The following LRP2 variants were observed in gnomAD, a reference collection of about 807,000 sequenced individuals.
LRP2 encodes low-density lipoprotein receptor-related protein 2.
In LRP2, 172 loss-of-function variants were observed where a neutral mutation model predicts 531.0. The ratio of observed to expected loss-of-function variants is 0.32; its 90% CI spans 0.29 to 0.37. LRP2 has a LOEUF of 0.37. Ranked by LOEUF, LRP2 falls within the 10% of genes least tolerant of loss-of-function variation. LRP2 has a pLI of 1.00. For synonymous variants in LRP2, 1,992 were observed against 2,027.6 expected (o/e 0.98, Z 0.47); for missense variants, 5,167 against 5,868.3 (o/e 0.88, Z 3.90).
intron 1 of LRP2, among the ~76,000 whole-genome samples, chr2:169,353,082 T>C (rs2105578997): frequency 6.6e-6 from 1 of 152,226 alleles, no homozygotes; most frequent in African/African-American, 2.4e-5. Flanking sequence ...TACCCCTGCT[T>C]TAGTAAGGGT....
chr2:169,293,546 A>G (rs1026637233), intron 6 of LRP2, among the ~76,000 whole-genome samples: 2 of 152,162 alleles, frequency 1.3e-5, no homozygotes, highest in African/African-American at 4.8e-5. Context: ...ATGGTGGTGC[A>G]TGCCTGTGAT....
intron 34 of LRP2, among the ~76,000 whole-genome samples, chr2:169,217,640 C>A (rs888306781): frequency 2.6e-5 from 4 of 152,064 alleles, no homozygotes. Flanking sequence ...GGACATAGCA[C>A]AAAACTTTCG....
At chr2:169,354,511 G>A (rs1312900014) in intron 1 of LRP2, among the ~76,000 whole-genome samples, 1 of 152,102 alleles carries the variant, frequency 6.6e-6, no homozygotes, top group Non-Finnish European at 1.5e-5. Context: ...CATGACCTGA[G>A]GGCTAATGAC....
chr2:169,136,341 C>T (rs1453250703), intron 76 of LRP2, among the ~76,000 whole-genome samples: 3 of 151,858 alleles, frequency 2.0e-5, no homozygotes, highest in Non-Finnish European at 4.4e-5. Flanking sequence ...TTTGCCCCAA[C>T]ACTTCAATAC....
chr2:169,180,891 G>T lies in LRP2; in HGVS notation c.10169+557C>A, dbSNP rs147788214. 5.6e-3 allele frequency among the ~76,000 whole-genome samples: 858 copies of T among 152,042 alleles called. 8 individuals are homozygous for T. Among genetic ancestry groups the T allele is most frequent in the African/African-American group, 0.019 (806 of 41,448 alleles). Reference sequence around the variant, plus strand: ...CTTTTTACAATGAGTATTTTTTATTGAACAGTATATTTAACACACTTAAAA... The same window carrying T: ...CTTTTTACAATGAGTATTTTTTATTTAACAGTATATTTAACACACTTAAAA... On this transcript the variant is annotated intron_variant, in intron 52 of 78. Coordinates refer to ENST00000649046, the MANE Select transcript of LRP2 (RefSeq NM_004525.3).
At chr2:169,137,649 CAAAA>C (rs1160173051) in intron 75 of LRP2, among the ~76,000 whole-genome samples, 156 bp from the exon 76 acceptor site, 10 of 45,484 alleles carry the variant, frequency 2.2e-4, no homozygotes, top group Middle Eastern at 0.023. Context: ...AGAGAACTTG[CAAAA>C]AAAAAAAAAA....
intron 34 of LRP2, among the ~76,000 whole-genome samples, chr2:169,217,145 T>C (rs1401760104): frequency 1.3e-5 from 2 of 152,204 alleles, no homozygotes; most frequent in Non-Finnish European, 2.9e-5. Flanking sequence ...CCATTTCCAC[T>C]GAAGATGTAA....
At chr2:169,257,825 C>CA (rs74268259) in intron 17 of LRP2, among the ~76,000 whole-genome samples, 1,457 of 132,334 alleles carry the variant, frequency 0.011, 15 homozygotes, top group Non-Finnish European at 0.014. Flanking sequence ...AAAACAAAAA[C>CA]AAAAAAAAAA....
Position 169,239,431 on chromosome 2 carries a change from A to C in LRP2, c.4294+96T>G, listed in dbSNP as rs17848152. 1,553 of 1,603,416 alleles carry C rather than the reference A, an allele frequency of 9.7e-4. 27 individuals are homozygous for C. In the East Asian group the frequency reaches 0.028, roughly 29 times the overall value. On this transcript the variant is annotated intron_variant, in intron 26 of 78. Coordinates refer to ENST00000649046, the MANE Select transcript of LRP2 (RefSeq NM_004525.3). Reference sequence around the variant, plus strand: ...ATCTTTCCAGGATTCAAGTCGATCTAACTCCTAATCAACATTGTCAAATAC... The same window carrying C: ...ATCTTTCCAGGATTCAAGTCGATCTCACTCCTAATCAACATTGTCAAATAC...
intron 60 of LRP2, 92 bp downstream of exon 60, chr2:169,169,609 CT>C: frequency 2.1e-6 from 2 of 942,230 alleles, no homozygotes; most frequent in Non-Finnish European, 3.5e-6. Context: ...TACTTATGGC[CT>C]TTTAATCTAA....
chr2:169,268,004 A>G (rs1312231201), intron 16 of LRP2, among the ~76,000 whole-genome samples: 2 of 152,250 alleles, frequency 1.3e-5, no homozygotes, highest in African/African-American at 4.8e-5. Context: ...TAGAAAATCT[A>G]GAAGAAATAG....
chr2:169,293,691 A>G (rs1684061683), intron 6 of LRP2, among the ~76,000 whole-genome samples: 1 of 152,206 alleles, frequency 6.6e-6, no homozygotes, highest in Non-Finnish European at 1.5e-5. Flanking sequence ...AAGAAAACGA[A>G]GAAAAAGAAA....
At chr2:169,188,923 T>C (rs1687733723) in intron 48 of LRP2, among the ~76,000 whole-genome samples, 1 of 152,208 alleles carries the variant, frequency 6.6e-6, no homozygotes, top group Admixed American at 6.5e-5. Context: ...TGAGTCTTCA[T>C]GGTGATGTGA....
In LRP2 at chr2:169,287,488, T is replaced by G. The variant is rs142360419; in HGVS notation, c.1042+1538A>C. ...TGCTTTACTGGATATAAAAATCTAA[T>G]TTTTTTTGGCATATGGTAGGTAAGT... On this transcript the variant is annotated intron_variant, in intron 9 of 78. Coordinates refer to ENST00000649046, the MANE Select transcript of LRP2 (RefSeq NM_004525.3). 9.9e-5 allele frequency among the ~76,000 whole-genome samples: 15 copies of G among 151,992 alleles called. 1 individual carries two copies. The East Asian group carries it at 2.9e-3, about 29-fold the overall frequency.
At chr2:169,158,580 A>G (rs879398640) in intron 63 of LRP2, among the ~76,000 whole-genome samples, 1 of 151,968 alleles carries the variant, frequency 6.6e-6, no homozygotes, top group African/African-American at 2.4e-5. Flanking sequence ...GATTATCTAC[A>G]TGATGAATTG....
chr2:169,303,635 A>T (rs901100503), intron 4 of LRP2, among the ~76,000 whole-genome samples: 1 of 152,138 alleles, frequency 6.6e-6, no homozygotes, highest in African/African-American at 2.4e-5. Context: ...CAAAGCACTA[A>T]CAAAAGAATA....
chr2:169,282,447 T>C (rs1667526276), intron 10 of LRP2, among the ~76,000 whole-genome samples: 1 of 152,234 alleles, frequency 6.6e-6, no homozygotes, highest in Admixed American at 6.5e-5. Flanking sequence ...AAATTTAGCA[T>C]GTCCATTTGG....
At chr2:169,193,306 G>A (rs529519200) in intron 47 of LRP2, among the ~76,000 whole-genome samples, 5 of 151,756 alleles carry the variant, frequency 3.3e-5, no homozygotes, top group Admixed American at 6.6e-5. Flanking sequence ...GGTGGTGGGC[G>A]TATGGTCCCA....
chr2:169,265,146 G>T (rs1212557461), intron 16 of LRP2, among the ~76,000 whole-genome samples: 1 of 147,762 alleles, frequency 6.8e-6, no homozygotes, highest in Non-Finnish European at 1.5e-5. Flanking sequence ...CCAAGAAGGA[G>T]AATGAAGGCA....
Sources: allele counts gnomAD v4.1 joint callset (sites outside exome capture counted in the v4.1 genomes callset), GRCh38; gene constraint gnomAD v4.1.1; transcripts MANE v1.5; gene names NCBI Gene and HGNC (gene_info 2026-07-23, HGNC 2026-07-21).